ASPH: variants seen among roughly 807,000 people sequenced by gnomAD.
ASPH encodes aspartyl/asparaginyl beta-hydroxylase.
A neutral mutation model predicts 118.4 loss-of-function variants in ASPH; 100 were observed. The ratio of observed to expected loss-of-function variants is 0.84; its 90% confidence interval spans 0.72 to 1.00. The LOEUF is 1.00. Ranked by LOEUF, ASPH falls within the 50% of genes least tolerant of loss-of-function variation. The pLI is 0.00. For missense variants in ASPH, 920 were observed against 919.5 expected, an observed-to-expected ratio of 1.00 and a Z score of -0.01; for synonymous variants, 315 against 325.6, an observed-to-expected ratio of 0.97 and a Z score of 0.35.
intron 1 of ASPH, among the ~76,000 whole-genome samples, chr8:61,697,797 G>C (rs1834280664): frequency 6.6e-6 from 1 of 152,236 alleles, no homozygotes; most frequent in African/African-American, 2.4e-5. Flanking sequence ...TATTTTATTT[G>C]ATTTTAATTT....
At chr8:61,504,522 TTAAC>T (rs972621834) in intron 24 of ASPH, among the ~76,000 whole-genome samples, 3 of 152,180 alleles carry the variant, frequency 2.0e-5, no homozygotes, top group Non-Finnish European at 2.9e-5. Flanking sequence ...TATCAGGTGA[TTAAC>T]TAATATAAAC....
At chr8:61,601,849 G>T (rs768332584) in intron 14 of ASPH, among the ~76,000 whole-genome samples, 36 of 151,264 alleles carry the variant, frequency 2.4e-4, no homozygotes, top group Non-Finnish European at 4.4e-4. Context: ...TATAAACAAT[G>T]TTATGTCAAT....
At chr8:61,646,558 GA>G (rs1477398100) in intron 6 of ASPH, among the ~76,000 whole-genome samples, 191 bp downstream of exon 6, 2 of 152,076 alleles carry the variant, frequency 1.3e-5, no homozygotes, top group Non-Finnish European at 2.9e-5. Flanking sequence ...GAGTTTCCCT[GA>G]AAAGTGCTTT....
chr8:61,647,284 C>T (rs1314535842), intron 5 of ASPH, among the ~76,000 whole-genome samples: 1 of 152,174 alleles, frequency 6.6e-6, no homozygotes, highest in Non-Finnish European at 1.5e-5. Flanking sequence ...TACTCTATGG[C>T]CTTTTCCTGG....
rs1368885232 is a variant in ASPH at position 61,503,072 on chromosome 8, AAT to A, written c.*285_*286del. 1.1e-5 allele frequency: 3 copies of A among 269,324 alleles called. No individual in the cohort carries two copies. The highest frequency in any genetic ancestry group is 6.6e-5 in the African/African-American group (3 of 45,664). 16.7% of individuals were successfully genotyped at this position (269,324 alleles called of 1,614,324 possible). A position where few individuals can be genotyped will look rare whatever the true frequency, so the allele number is the denominator to read the frequency against. ...AATTAGACCTATTCTATGTGGAAAA[AAT>A]ATCTTTGGCTGGTAAGGTAGAAGCT... On this transcript the variant is annotated 3_prime_UTR_variant, in exon 25 of 25. Coordinates refer to ENST00000379454, the MANE Select transcript of ASPH (RefSeq NM_004318.4).
chr8:61,593,197 G>A (rs567960371), intron 14 of ASPH, among the ~76,000 whole-genome samples: 220 of 152,032 alleles, frequency 1.4e-3, no homozygotes, highest in African/African-American at 5.1e-3. Flanking sequence ...AGGTGCTTCT[G>A]GCAGGAGCCT....
At chr8:61,517,437 GA>G (rs1444744571) in intron 24 of ASPH, 90 bp downstream of exon 24, 6 of 1,512,322 alleles carry the variant, frequency 4.0e-6, no homozygotes, top group Non-Finnish European at 5.4e-6. Context: ...AGCTACAAAA[GA>G]AGATAAGTAA....
intron 21 of ASPH, among the ~76,000 whole-genome samples, chr8:61,547,864 C>A (rs1480811380): frequency 6.6e-6 from 1 of 152,142 alleles, no homozygotes; most frequent in Non-Finnish European, 1.5e-5. Context: ...AGGTTGAGAA[C>A]TCCTAAGTTC....
At chr8:61,678,184 A>G (rs1826292917) in intron 3 of ASPH, among the ~76,000 whole-genome samples, 1 of 152,140 alleles carries the variant, frequency 6.6e-6, no homozygotes, top group African/African-American at 2.4e-5. Context: ...ATACGATGCC[A>G]GCTAGGTGCT....
intron 13 of ASPH, chr8:61,624,049 G>A (rs1054624543): frequency 7.8e-5 from 19 of 243,352 alleles, no homozygotes; most frequent in Non-Finnish European, 1.1e-4. Flanking sequence ...GGGAGCAGGA[G>A]GTGAAGATGG....
At chr8:61,639,396 TG>T (rs780399453) in intron 10 of ASPH, among the ~76,000 whole-genome samples, 1 of 152,106 alleles carries the variant, frequency 6.6e-6, no homozygotes, top group Non-Finnish European at 1.5e-5. Flanking sequence ...CCCCCTCCAG[TG>T]CCTCATTTGA....
chr8:61,540,036 AGTT>A (rs1393690263), intron 21 of ASPH, among the ~76,000 whole-genome samples: 12 of 152,162 alleles, frequency 7.9e-5, no homozygotes, highest in African/African-American at 2.7e-4. Context: ...GTGCTTTGAT[AGTT>A]GTGATTTGGG....
chr8:61,557,060 G>A (rs1044816753), intron 18 of ASPH, among the ~76,000 whole-genome samples: 2 of 152,164 alleles, frequency 1.3e-5, no homozygotes, highest in African/African-American at 4.8e-5. Context: ...AACATACCAT[G>A]TGTCACTTCC....
chr8:61,526,384 C>T (rs1027543257), intron 21 of ASPH, among the ~76,000 whole-genome samples: 1 of 152,154 alleles, frequency 6.6e-6, no homozygotes, highest in Non-Finnish European at 1.5e-5. Context: ...TCTGTTTTGC[C>T]TAAAGACTTT....
intron 4 of ASPH, among the ~76,000 whole-genome samples, 173 bp downstream of exon 4, chr8:61,653,392 ATCC>A (rs1170350241): frequency 2.6e-5 from 4 of 152,240 alleles, no homozygotes; most frequent in Non-Finnish European, 1.5e-5. Flanking sequence ...AATTAAAATT[ATCC>A]TGTTCCAATT....
At chr8:61,528,737 C>A (rs902519863) in intron 21 of ASPH, among the ~76,000 whole-genome samples, 19 of 152,166 alleles carry the variant, frequency 1.2e-4, no homozygotes, top group African/African-American at 3.6e-4. Context: ...GCCCCTTCAC[C>A]CACAGCCTCC....
At chr8:61,600,643 C>A (rs1843714956) in intron 14 of ASPH, among the ~76,000 whole-genome samples, 1 of 150,344 alleles carries the variant, frequency 6.7e-6, no homozygotes, top group South Asian at 2.1e-4. Flanking sequence ...ACAAAAAAAA[C>A]CTAAGAATAA....
intron 3 of ASPH, among the ~76,000 whole-genome samples, chr8:61,670,305 G>T (rs926842870): frequency 8.8e-5 from 13 of 147,276 alleles, no homozygotes; most frequent in Admixed American, 4.8e-4. Flanking sequence ...GTGTTTGTTT[G>T]TTTTTTTTTT....
At chr8:61,626,382 A>C (rs996587031) in intron 13 of ASPH, 45 of 1,307,488 alleles carry the variant, frequency 3.4e-5, no homozygotes, top group African/African-American at 4.6e-5. Flanking sequence ...CCAACAAAGT[A>C]ATTTTTTTTT....
Sources: allele counts gnomAD v4.1 joint callset (sites outside exome capture counted in the v4.1 genomes callset), GRCh38; gene constraint gnomAD v4.1.1; transcripts MANE v1.5; gene names NCBI Gene and HGNC (gene_info 2026-07-23, HGNC 2026-07-21).